LPO: variants seen among roughly 807,000 people sequenced by gnomAD.
The protein encoded by LPO is salivary peroxidase.
In LPO, 70 loss-of-function variants were observed where a neutral mutation model predicts 68.4. The observed-to-expected ratio is 1.02, with a 90% CI of 0.84 to 1.25. LPO has a LOEUF of 1.25. Among genes scored for constraint, LPO ranks in the 50% most tolerant of loss-of-function variants. The pLI is 0.00. For missense variants in LPO, 873 were observed against 908.4 expected (o/e 0.96, Z 0.50); for synonymous variants, 360 against 357.6 (o/e 1.01, Z -0.08).
chr17:58,239,967 T>C (rs1308180105), intron 1 of LPO, among the ~76,000 whole-genome samples: 1 of 152,186 alleles, frequency 6.6e-6, no homozygotes, highest in Non-Finnish European at 1.5e-5. Flanking sequence ...ACACCTATTA[T>C]GTATTGACAT....
At chr17:58,249,366 C>A in intron 5 of LPO, 189 bp downstream of exon 5, 1 of 945,714 alleles carries the variant, frequency 1.1e-6, no homozygotes, top group Non-Finnish European at 1.5e-6. Flanking sequence ...CTGTGTGTCT[C>A]TGGAAGCGGC....
intron 1 of LPO, among the ~76,000 whole-genome samples, chr17:58,241,872 T>A (rs867177597): frequency 6.6e-6 from 1 of 151,990 alleles, no homozygotes; most frequent in Non-Finnish European, 1.5e-5. Context: ...CAAAGGGAGA[T>A]GATTTGGAGA....
At position 58,264,904 on chromosome 17, in the gene LPO, G is replaced by C. The variant is rs552696726; in HGVS notation, c.1449G>C (p.Gln483His). ...SSMFRLDENY[Q>H]PWGPEPELPL... ...TGTTCCGCCTGGATGAGAATTATCA[G>C]CCATGGGGGCCAGAACCAGAACTCC... The change falls in exon 10 of 13, where the codon CAG becomes CAC. Residue 483 changes from glutamine (Q) to histidine (H), a missense_variant. By Grantham distance (24) the Gln-to-His change is conservative. Transcript: ENST00000262290. The C allele has an allele frequency of 6.2e-7, 1 of 1,614,204 alleles. No individual in the cohort carries two copies. Among genetic ancestry groups the C allele is most frequent in the South Asian group, 1.1e-5 (1 of 91,084 alleles).
chr17:58,243,923 A>T, intron 2 of LPO, 71 bp from the exon 3 acceptor site: 1 of 1,011,740 alleles, frequency 9.9e-7, no homozygotes, highest in Non-Finnish European at 1.6e-6. Context: ...AAAGAGGGAG[A>T]CAAAAGCAGA....
chr17:58,256,315 A>G (rs1272818993), intron 9 of LPO, among the ~76,000 whole-genome samples: 1 of 152,120 alleles, frequency 6.6e-6, no homozygotes, highest in East Asian at 1.9e-4. Flanking sequence ...TCATTCAAAC[A>G]TAAGTTTCTG....
intron 6 of LPO, 108 bp downstream of exon 6, chr17:58,249,803 T>G (rs1461370205): frequency 1.4e-6 from 2 of 1,391,946 alleles, no homozygotes; most frequent in Admixed American, 6.0e-5. Context: ...GCAGCAGGGG[T>G]GCGCGATGGA....
chr17:58,252,533 C>T (rs765893276), intron 8 of LPO, 27 bp downstream of exon 8: 1 of 1,594,964 alleles, frequency 6.3e-7, no homozygotes, highest in South Asian at 1.1e-5. Flanking sequence ...AACAGAAGGG[C>T]CCAAGGACAA....
intron 9 of LPO, among the ~76,000 whole-genome samples, chr17:58,256,057 T>C (rs1227905409): frequency 6.6e-6 from 1 of 152,154 alleles, no homozygotes; most frequent in Non-Finnish European, 1.5e-5. Flanking sequence ...CAGTTCTCCA[T>C]CTCTATGTTA....
intron 1 of LPO, among the ~76,000 whole-genome samples, chr17:58,238,943 G>A (rs920585410): frequency 2.6e-5 from 4 of 152,038 alleles, no homozygotes; most frequent in African/African-American, 9.7e-5. Flanking sequence ...CACTGTGGGG[G>A]AAAAAGGCTT....
Position 58,249,671 on chromosome 17 carries a change from G to A in LPO, c.549G>A (p.Thr183=). 1 of 1,580,370 alleles carries A rather than the reference G, an allele frequency of 6.3e-7. No individual in the cohort carries two copies. The highest frequency in any genetic ancestry group is 8.5e-7 in the Non-Finnish European group (1 of 1,169,958). Reference sequence around the variant, plus strand: ...CCTTCGGCTGGACGCCGGGGAAGACGCGCAACGGCTTCCCTCTCCCGCTGG... The same window carrying A: ...CCTTCGGCTGGACGCCGGGGAAGACACGCAACGGCTTCCCTCTCCCGCTGG... ...SLPFGWTPGK[T]RNGFPLPLAR... Residue 183 remains threonine, a synonymous_variant, in exon 6 of 13, where the codon ACG becomes ACA. Transcript: ENST00000262290.
At position 58,267,967 on chromosome 17, in the gene LPO, G is replaced by A. The variant is rs375382539; in HGVS notation, c.2112G>A (p.Leu704=). 174 of 1,613,814 alleles carry A rather than the reference G, an allele frequency of 1.1e-4. No homozygotes were observed. Among genetic ancestry groups the A allele is most frequent in the Non-Finnish European group, 1.3e-4 (158 of 1,180,020 alleles). The change falls in exon 13 of 13, where the codon CTG becomes CTA. Residue 704 remains leucine, a synonymous_variant. Transcript: ENST00000262290. ...GCTCAGCCATCGACAAGCTGGACCT[G>A]TCACCCTGGGCCTCAGTGAAGAATT... The part of the protein sequence containing the change: ...VDCSAIDKLD[L]SPWASVKN
At chr17:58,244,512 G>A (rs1369520800) in intron 3 of LPO, 1 of 174,270 alleles carries the variant, frequency 5.7e-6, no homozygotes, top group Non-Finnish European at 1.2e-5. Flanking sequence ...TGCTCACAAG[G>A]AAGCTGTGAT....
At chr17:58,257,065 C>G (rs1052569559) in intron 9 of LPO, among the ~76,000 whole-genome samples, 7 of 127,452 alleles carry the variant, frequency 5.5e-5, no homozygotes. Context: ...TCCTGAGTAG[C>G]TGGGGTTTCA....
chr17:58,257,378 G>T (rs548774623), intron 9 of LPO, among the ~76,000 whole-genome samples: 1 of 152,032 alleles, frequency 6.6e-6, no homozygotes, highest in Admixed American at 6.5e-5. Context: ...CCACAAATAA[G>T]TGAGAACATG....
rs1396322527 is a variant in LPO, at chr17:58,267,999, C to T, written c.*5C>T. 6 of 1,612,830 alleles carry T rather than the reference C, an allele frequency of 3.7e-6. No individual in the cohort carries two copies. The Admixed American group carries it at 6.7e-5, about 18-fold the overall frequency. On this transcript the variant is annotated 3_prime_UTR_variant, in exon 13 of 13. Coordinates refer to ENST00000262290, the MANE Select transcript of LPO (RefSeq NM_006151.3). ...TGGGCCTCAGTGAAGAATTAGGGGC[C>T]CGCGCTGCACAGGAAAGTTCCCTTT... is the stretch of plus-strand genomic sequence containing the variant.
At chr17:58,261,844 G>A (rs1165415018) in intron 9 of LPO, among the ~76,000 whole-genome samples, 2 of 152,238 alleles carry the variant, frequency 1.3e-5, no homozygotes, top group South Asian at 2.1e-4. Context: ...AATAAAGATA[G>A]AGAGAGAGAT....
intron 9 of LPO, among the ~76,000 whole-genome samples, chr17:58,262,266 G>A (rs1007022521): frequency 2.0e-5 from 3 of 152,062 alleles, no homozygotes; most frequent in African/African-American, 4.8e-5. Flanking sequence ...CTGAAGAATC[G>A]TTCCACCAGC....
At position 58,243,172 on chromosome 17, in the gene LPO, C is replaced by G. The variant is rs1969789157; in HGVS notation, c.76+117C>G. ...GTACGGGAGGATAGAAGTCCAAAAT[C>G]AAGGTGTTGGCAGGGCTGTGCTCCC... On this transcript the variant is annotated intron_variant, in intron 2 of 12. Coordinates refer to ENST00000262290, the MANE Select transcript of LPO (RefSeq NM_006151.3). The G allele has an allele frequency of 4.0e-6, 4 of 1,004,744 alleles. No individual in the cohort carries two copies. The Admixed American group carries it at 7.2e-5, about 18-fold the overall frequency. 62.2% of individuals were successfully genotyped at this position (1,004,744 alleles called of 1,614,324 possible).
chr17:58,254,061 A>T (rs1229458987), intron 8 of LPO, among the ~76,000 whole-genome samples: 1 of 152,066 alleles, frequency 6.6e-6, no homozygotes, highest in African/African-American at 2.4e-5. Flanking sequence ...TCAGTTAGCC[A>T]AGATAATGCC....
Sources: gnomAD v4.1 joint callset for allele counts (sites outside exome capture counted in the v4.1 genomes callset) on GRCh38, gnomAD v4.1.1 for gene constraint, MANE v1.5 for transcripts, NCBI Gene and HGNC (gene_info 2026-07-23, HGNC 2026-07-21) for gene names.